Variants in CDH8 observed in about 807,000 individuals in gnomAD.
CDH8 encodes cadherin 8, also known as cadherin-8.
In CDH8, 17 loss-of-function variants were observed where a neutral mutation model predicts 68.1. The ratio of observed to expected loss-of-function variants is 0.25; its 90% CI spans 0.17 to 0.37. The LOEUF is 0.37. Ranked by LOEUF, CDH8 falls within the 10% of genes least tolerant of loss-of-function variation. The probability of loss-of-function intolerance (pLI) is 1.00; values close to 1 mark genes in which losing one functional copy is unlikely to be tolerated. For missense variants in CDH8, 763 were observed against 999.3 expected (o/e 0.76, Z 3.19); for synonymous variants, 372 against 365.1 (o/e 1.02, Z -0.21).
At chr16:61,869,387 G>C (rs982982675) in intron 3 of CDH8, among the ~76,000 whole-genome samples, 3 of 152,178 alleles carry the variant, frequency 2.0e-5, no homozygotes, top group African/African-American at 7.2e-5. Context: ...ACTAGGGAAA[G>C]GTGGAGGGCA....
At chr16:61,959,984 G>GTGTGTATATATATATATATA (rs1385952323) in intron 2 of CDH8, among the ~76,000 whole-genome samples, 1 of 44,556 alleles carries the variant, frequency 2.2e-5, no homozygotes, top group African/African-American at 9.4e-5. Flanking sequence ...GTGTGTGTGT[G>GTGTGTATATATATATATATA]TATATATATA....
intron 4 of CDH8, among the ~76,000 whole-genome samples, chr16:61,835,643 T>C (rs1249482903): frequency 3.3e-5 from 5 of 152,116 alleles, no homozygotes; most frequent in Non-Finnish European, 5.9e-5. Context: ...ATTTCTTTTT[T>C]CCTAAATGAA....
intron 1 of CDH8, among the ~76,000 whole-genome samples, chr16:62,024,298 A>G (rs560185629): frequency 6.6e-6 from 1 of 152,180 alleles, no homozygotes; most frequent in African/African-American, 2.4e-5. Flanking sequence ...TGATAATAAC[A>G]CTGATCTGAC....
intron 8 of CDH8, among the ~76,000 whole-genome samples, chr16:61,732,024 C>A (rs1439362089): frequency 6.6e-6 from 1 of 150,858 alleles, no homozygotes; most frequent in Non-Finnish European, 1.5e-5. Context: ...TTTAAATTGG[C>A]AGAAGAAAGA....
chr16:61,894,199 T>C (rs1032109502), intron 3 of CDH8, among the ~76,000 whole-genome samples: 2 of 152,208 alleles, frequency 1.3e-5, no homozygotes, highest in Non-Finnish European at 2.9e-5. Flanking sequence ...TTATCTGTGA[T>C]AGTCTTGTCA....
intron 6 of CDH8, among the ~76,000 whole-genome samples, chr16:61,820,343 T>C (rs1053055163): frequency 7.0e-6 from 1 of 143,308 alleles, no homozygotes; most frequent in Admixed American, 7.0e-5. Context: ...TTTTTTTTAG[T>C]TTCCATGAAT....
rs1963322018 is a variant in CDH8, at chr16:61,651,461, T to C, written c.*2147A>G. The C allele has an allele frequency of 6.6e-6, 1 of 152,210 alleles. No individual in the cohort carries two copies. The highest frequency in any genetic ancestry group is 1.5e-5 in the Non-Finnish European group (1 of 68,038). 9.4% of individuals were successfully genotyped at this position (152,210 alleles called of 1,614,324 possible). A position where few individuals can be genotyped will look rare whatever the true frequency, so the allele number is the denominator to read the frequency against. Reference sequence around the variant, plus strand: ...AAATTGTTAGTATAGTATTTAAACATGCAGTTTCTGTCACAGTGAAGGTGG... The same window carrying C: ...AAATTGTTAGTATAGTATTTAAACACGCAGTTTCTGTCACAGTGAAGGTGG... On this transcript the variant is annotated 3_prime_UTR_variant, in exon 12 of 12. Transcript: ENST00000577390.
chr16:61,880,099 T>C (rs1388545005), intron 3 of CDH8, among the ~76,000 whole-genome samples: 2 of 152,222 alleles, frequency 1.3e-5, no homozygotes, highest in African/African-American at 2.4e-5. Context: ...CTAATTTTTG[T>C]ATTTTTAGTA....
intron 1 of CDH8, among the ~76,000 whole-genome samples, chr16:62,033,326 A>G (rs1902373089): frequency 6.6e-6 from 1 of 152,198 alleles, no homozygotes; most frequent in Non-Finnish European, 1.5e-5. Context: ...CAGTGTAAGG[A>G]ATTCCTTCCC....
intron 3 of CDH8, among the ~76,000 whole-genome samples, chr16:61,858,813 T>C (rs1963098652): frequency 6.6e-6 from 1 of 152,212 alleles, no homozygotes; most frequent in Non-Finnish European, 1.5e-5. Flanking sequence ...AGGAAACAGT[T>C]ACAGCATGCA....
At chr16:61,955,054 T>C (rs1964963558) in intron 2 of CDH8, among the ~76,000 whole-genome samples, 2 of 152,222 alleles carry the variant, frequency 1.3e-5, no homozygotes, top group South Asian at 2.1e-4. Context: ...ACCAAGTCCA[T>C]AGACCTACTA....
intron 3 of CDH8, among the ~76,000 whole-genome samples, chr16:61,895,421 T>C (rs1171392721): frequency 6.6e-6 from 1 of 152,122 alleles, no homozygotes; most frequent in Non-Finnish European, 1.5e-5. Context: ...ATAGAAAAAC[T>C]AATATCGGTA....
Position 61,960,031 on chromosome 16 carries a change from C to T in CDH8, c.253-58558G>A, listed in dbSNP as rs1267025192. Among the ~76,000 whole-genome samples, 31 of 116,402 alleles carry T rather than the reference C, an allele frequency of 2.7e-4. 2 individuals carry two copies. The highest frequency in any genetic ancestry group is 5.3e-4 in the East Asian group (2 of 3,746). 76.4% of individuals were successfully genotyped at this position (116,402 alleles called of 152,430 possible). ...ATATATATATACACACATACACACACACACACAACATATATGTATGTATGT... is the reference window on the plus strand; with the variant it reads ...ATATATATATACACACATACACACATACACACAACATATATGTATGTATGT... On this transcript the variant is annotated intron_variant, in intron 2 of 11. Coordinates refer to ENST00000577390, the MANE Select transcript of CDH8 (RefSeq NM_001796.5).
intron 9 of CDH8, among the ~76,000 whole-genome samples, chr16:61,720,184 G>A (rs1264559658): frequency 2.7e-5 from 4 of 150,910 alleles, no homozygotes; most frequent in South Asian, 4.1e-4. Context: ...AATGGTTACA[G>A]CCATGTTACC....
chr16:61,718,236 G>T (rs1233774357), intron 9 of CDH8, among the ~76,000 whole-genome samples: 5 of 151,398 alleles, frequency 3.3e-5, no homozygotes, highest in South Asian at 2.1e-4. Context: ...CAGTCTGAAG[G>T]TTCTTGATTG....
At chr16:61,969,439 T>C (rs1965304291) in intron 2 of CDH8, among the ~76,000 whole-genome samples, 1 of 152,170 alleles carries the variant, frequency 6.6e-6, no homozygotes, top group African/African-American at 2.4e-5. Flanking sequence ...TGACAGAATA[T>C]CCAGAGTGCA....
At chr16:61,770,965 A>C (rs1290601051) in intron 8 of CDH8, among the ~76,000 whole-genome samples, 1 of 151,810 alleles carries the variant, frequency 6.6e-6, no homozygotes, top group Non-Finnish European at 1.5e-5. Flanking sequence ...AGACCTTAAA[A>C]CTCTTTAATC....
chr16:61,917,234 C>G (rs1375972604), intron 2 of CDH8, among the ~76,000 whole-genome samples: 1 of 151,896 alleles, frequency 6.6e-6, no homozygotes, highest in Non-Finnish European at 1.5e-5. Flanking sequence ...TTTTAAAATA[C>G]CTGGTCATTT....
intron 8 of CDH8, among the ~76,000 whole-genome samples, chr16:61,730,901 A>C (rs1959515750): frequency 6.6e-6 from 1 of 151,578 alleles, no homozygotes; most frequent in African/African-American, 2.4e-5. Context: ...GACTCATTAC[A>C]TGATAGCCTG....
Sources: allele counts gnomAD v4.1 joint callset (sites outside exome capture counted in the v4.1 genomes callset), GRCh38; gene constraint gnomAD v4.1.1; transcripts MANE v1.5; gene names NCBI Gene and HGNC (gene_info 2026-07-23, HGNC 2026-07-21).